Variants in NRXN1 observed in about 807,000 individuals in gnomAD.
The protein encoded by NRXN1 is neurexin-1.
In NRXN1, 39 loss-of-function variants were observed where a neutral mutation model predicts 150.9. The ratio of observed to expected loss-of-function variants is 0.26; its 90% CI spans 0.20 to 0.34. The LOEUF is 0.34. NRXN1 is among the 10% of genes least tolerant of loss of function. NRXN1 has a pLI of 1.00. For missense variants in NRXN1, 1,815 were observed against 1,949.9 expected, an observed-to-expected ratio of 0.93 and a Z score of 1.30; for synonymous variants, 924 against 757.0, an observed-to-expected ratio of 1.22 and a Z score of -3.62.
chr2:50,333,475 G>C (rs2152986519), intron 17 of NRXN1, among the ~76,000 whole-genome samples: 1 of 152,124 alleles, frequency 6.6e-6, no homozygotes, highest in East Asian at 1.9e-4. Flanking sequence ...CATCTATCAG[G>C]CTCCTATAGA....
At chr2:50,011,517 T>C (rs1253543880) in intron 21 of NRXN1, among the ~76,000 whole-genome samples, 1 of 152,150 alleles carries the variant, frequency 6.6e-6, no homozygotes, top group African/African-American at 2.4e-5. Flanking sequence ...TACTTATCTT[T>C]GTGCTCAAGT....
chr2:50,381,812 C>T (rs1429698770), intron 17 of NRXN1, among the ~76,000 whole-genome samples: 1 of 152,108 alleles, frequency 6.6e-6, no homozygotes, highest in Non-Finnish European at 1.5e-5. Flanking sequence ...AATCAACTAG[C>T]AAATATGCTT....
chr2:50,866,026 CT>C (rs563274064), intron 5 of NRXN1, among the ~76,000 whole-genome samples: 57 of 151,782 alleles, frequency 3.8e-4, no homozygotes, highest in Non-Finnish European at 7.8e-4. Flanking sequence ...CATGTTTTTT[CT>C]TTCCTAATAC....
chr2:51,026,710 A>T (rs1670531867), intron 2 of NRXN1, among the ~76,000 whole-genome samples: 1 of 152,194 alleles, frequency 6.6e-6, no homozygotes, highest in Non-Finnish European at 1.5e-5. Context: ...TTTATAAGGC[A>T]TTTGTTAATT....
At chr2:50,953,630 C>T (rs889270823) in intron 2 of NRXN1, among the ~76,000 whole-genome samples, 1 of 150,728 alleles carries the variant, frequency 6.6e-6, no homozygotes, top group African/African-American at 2.4e-5. Flanking sequence ...GATCTCGGCT[C>T]ACTGCAACAT....
intron 18 of NRXN1, among the ~76,000 whole-genome samples, chr2:50,108,265 A>G (rs1432284482): frequency 6.6e-6 from 1 of 152,038 alleles, no homozygotes; most frequent in African/African-American, 2.4e-5. Context: ...AAATCCATTG[A>G]CCAATGTATA....
At chr2:49,948,973 C>T (rs1213200414) in intron 21 of NRXN1, among the ~76,000 whole-genome samples, 1 of 151,976 alleles carries the variant, frequency 6.6e-6, no homozygotes, top group Non-Finnish European at 1.5e-5. Flanking sequence ...TCTGTACATG[C>T]ACATCGTAAG....
chr2:50,617,043 A>G (rs1287446873), intron 8 of NRXN1, among the ~76,000 whole-genome samples: 1 of 152,210 alleles, frequency 6.6e-6, no homozygotes, highest in African/African-American at 2.4e-5. Flanking sequence ...CTCACAATCC[A>G]TGATACTTTG....
Position 50,176,546 on chromosome 2 carries a change from TG to T in NRXN1, c.3546+60242del, listed in dbSNP as rs112752541. 1.1e-4 allele frequency among the ~76,000 whole-genome samples: 17 copies of T among 152,192 alleles called. 1 individual carries two copies. Among genetic ancestry groups the T allele is most frequent in the African/African-American group, 4.1e-4 (17 of 41,546 alleles). ...TCTTCAGACATTGTCAAATATACCC[TG>T]GGAGCAACATAATTCCTGAGTGAAA... On this transcript the variant is annotated intron_variant, in intron 18 of 22. Transcript: ENST00000401669.
chr2:50,860,472 T>C (rs115412297), intron 5 of NRXN1, among the ~76,000 whole-genome samples: 9,819 of 151,608 alleles, frequency 0.065, 418 homozygotes, highest in Non-Finnish European at 0.091. Context: ...AGGGTTGGGG[T>C]GAAAAGATGA....
At position 50,053,463 on chromosome 2, in the gene NRXN1, G is replaced by A. The variant is rs1309946041; in HGVS notation, c.3936C>T (p.Ala1312=). 16 of 1,613,818 alleles carry A rather than the reference G, an allele frequency of 9.9e-6. No individual in the cohort carries two copies. Among genetic ancestry groups the A allele is most frequent in the South Asian group, 2.2e-5 (2 of 91,080 alleles). ...YNGLKVLNMA[A]ENDANIAIVG... ...CTATGGCGATGTTGGCATCGTTTTC[G>A]GCTGCCATATTCAGAACTTTCAAGC... Residue 1312 remains alanine, a synonymous_variant, in exon 21 of 23, where the codon GCC becomes GCT. Coordinates refer to ENST00000401669, the MANE Select transcript of NRXN1 (RefSeq NM_001330078.2).
chr2:50,251,058 G>T (rs7577177), intron 17 of NRXN1, among the ~76,000 whole-genome samples: 7 of 150,702 alleles, frequency 4.6e-5, no homozygotes, highest in African/African-American at 1.7e-4. Context: ...TGTTGTATAT[G>T]TATTACATAT....
At chr2:50,868,400 G>A (rs1423525569) in intron 5 of NRXN1, among the ~76,000 whole-genome samples, 1 of 144,102 alleles carries the variant, frequency 6.9e-6, no homozygotes, top group Non-Finnish European at 1.5e-5. Context: ...GGGAAGGGTG[G>A]GATGGAGGGA....
At chr2:50,732,398 G>A (rs370370587) in intron 5 of NRXN1, among the ~76,000 whole-genome samples, 10 of 152,096 alleles carry the variant, frequency 6.6e-5, no homozygotes, top group Admixed American at 5.9e-4. Context: ...TGAAGTTAGT[G>A]ATCAGCTGCT....
intron 5 of NRXN1, among the ~76,000 whole-genome samples, chr2:50,714,974 T>G (rs1695679986): frequency 1.3e-5 from 2 of 152,148 alleles, no homozygotes; most frequent in South Asian, 4.1e-4. Flanking sequence ...AATGTTATGA[T>G]GACAAAGAAT....
chr2:50,266,554 CACACACACACACACACACATAT>C (rs2068913662), intron 17 of NRXN1, among the ~76,000 whole-genome samples: 1 of 148,456 alleles, frequency 6.7e-6, no homozygotes, highest in Middle Eastern at 3.6e-3. Flanking sequence ...CACACACACA[CACACACACACACACACACATAT>C]TTTCTTTCTA....
chr2:50,531,161 T>C (rs1017843048), intron 11 of NRXN1, 66 bp downstream of exon 11: 134 of 1,205,132 alleles, frequency 1.1e-4, no homozygotes, highest in Admixed American at 2.6e-4. Flanking sequence ...ACTTGATCAA[T>C]GTTTGCAGGC....
At chr2:49,926,320 C>T (rs1342281940) in intron 22 of NRXN1, 2 of 398,216 alleles carry the variant, frequency 5.0e-6, no homozygotes, top group Non-Finnish European at 8.9e-6. Flanking sequence ...GTTTTTAATC[C>T]TTCCTCTCTC....
chr2:50,295,919 C>T (rs1190534488), intron 17 of NRXN1, among the ~76,000 whole-genome samples: 1 of 152,178 alleles, frequency 6.6e-6, no homozygotes, highest in Non-Finnish European at 1.5e-5. Flanking sequence ...CAGTTTATTA[C>T]AGTAATTTCC....
Sources: allele counts gnomAD v4.1 joint callset (sites outside exome capture counted in the v4.1 genomes callset), GRCh38; gene constraint gnomAD v4.1.1; transcripts MANE v1.5; gene names NCBI Gene and HGNC (gene_info 2026-07-23, HGNC 2026-07-21).